Variants in CCKAR observed in about 807,000 individuals in gnomAD.
The protein encoded by CCKAR is cholecystokinin receptor type A.
A neutral mutation model predicts 29.8 loss-of-function variants in CCKAR; 21 were observed. That is an observed-to-expected ratio of 0.70 (90% CI 0.50 to 1.01). The LOEUF (loss-of-function observed/expected upper bound fraction) is 1.01, where lower values mean the gene tolerates loss of function less well. Among genes scored for constraint, CCKAR ranks in the 50% least tolerant of loss-of-function variants. The pLI is 0.00. For missense variants in CCKAR, 570 were observed against 560.6 expected (o/e 1.02, Z -0.17); for synonymous variants, 238 against 221.3 (o/e 1.08, Z -0.67).
At chr4:26,485,433 T>A (rs1167644758) in intron 3 of CCKAR, among the ~76,000 whole-genome samples, 2 of 152,148 alleles carry the variant, frequency 1.3e-5, no homozygotes, top group East Asian at 3.9e-4. Context: ...ATTGATTGAA[T>A]GAATATATGC....
At chr4:26,490,055 C>T in intron 1 of CCKAR, 101 bp downstream of exon 1, 1 of 728,306 alleles carries the variant, frequency 1.4e-6, no homozygotes, top group Non-Finnish European at 2.4e-6. Context: ...CCTTGTCTCA[C>T]AATGACTTGG....
Position 26,489,393 on chromosome 4 carries a change from C to G in CCKAR, c.204G>C (p.Arg68=). The change falls in exon 2 of 5, where the codon CGG becomes CGC. Residue 68 remains arginine, a synonymous_variant. Transcript: ENST00000295589. ...GNTLVITVLI[R]NKRMRTVTNI... is the part of the protein sequence containing the mutation. ...TGGTGACCGTCCGCATCCGCTTGTT[C>G]CGAATCAGCACGGTGATGACCAGCG... The G allele has an allele frequency of 2.5e-6, 4 of 1,614,172 alleles. 1 individual carries two copies. The highest frequency in any genetic ancestry group is 4.5e-5 in the East Asian group (2 of 44,864).
chr4:26,488,654 C>G (rs1281404879), intron 2 of CCKAR, among the ~76,000 whole-genome samples: 2 of 152,222 alleles, frequency 1.3e-5, no homozygotes, highest in Admixed American at 6.5e-5. Flanking sequence ...AGACCTCTCT[C>G]TCTCTCTCTT....
rs16878401 is a variant in CCKAR, at chr4:26,485,684, C to T, written c.579G>A (p.Ala193=). ...TTGGCAGTAGAAAGCGGCACATATTCGCGGTCTGGTTGTTATTTTTGGTAA... is the reference window on the plus strand; with the variant it reads ...TTGGCAGTAGAAAGCGGCACATATTTGCGGTCTGGTTGTTATTTTTGGTAA... ...VPFTKNNNQT[A]NMCRFLLPND... is the part of the protein sequence containing the mutation. The change falls in exon 3 of 5, where the codon GCG becomes GCA. Residue 193 remains alanine (A), a synonymous_variant. Transcript: ENST00000295589. 1,890 of 1,614,108 alleles carry T rather than the reference C, an allele frequency of 1.2e-3. 16 individuals carry two copies. The African/African-American group carries it at 0.022, about 19-fold the overall frequency.
intron 2 of CCKAR, among the ~76,000 whole-genome samples, chr4:26,486,909 A>G (rs1380608500): frequency 6.6e-6 from 1 of 152,204 alleles, no homozygotes; most frequent in African/African-American, 2.4e-5. Flanking sequence ...GCGGCACTCC[A>G]TCTCAAAAAT....
rs104893833 is a variant in CCKAR, at chr4:26,490,207, C to T, written c.61G>A (p.Gly21Arg). ...GSNITPPCEL[G>R]LENETLFCLD... ...CAGAAAAGCGTCTCATTTTCGAGCC[C>T]GAGTTCACAGGGAGGAGTGATGTTG... The change falls in exon 1 of 5, where the codon GGG becomes AGG. Residue 21 changes from glycine to arginine, a missense_variant. By Grantham distance (125) the Gly-to-Arg change is moderately radical (BLOSUM62 -2). Coordinates refer to ENST00000295589, the MANE Select transcript of CCKAR (RefSeq NM_000730.3). 10 of 1,613,586 alleles carry T rather than the reference C, an allele frequency of 6.2e-6. No homozygotes were observed. Among genetic ancestry groups the T allele is most frequent in the African/African-American group, 4.0e-5 (3 of 74,780 alleles).
intron 3 of CCKAR, among the ~76,000 whole-genome samples, chr4:26,484,132 G>C (rs1737400975): frequency 6.6e-6 from 1 of 152,174 alleles, no homozygotes; most frequent in African/African-American, 2.4e-5. Context: ...CCTTCTTTAT[G>C]AGTCTGGCCC....
intron 3 of CCKAR, among the ~76,000 whole-genome samples, chr4:26,484,812 C>T (rs1213365864): frequency 7.1e-6 from 1 of 141,260 alleles, no homozygotes; most frequent in Non-Finnish European, 1.5e-5. Flanking sequence ...GAGGCCAAGG[C>T]GGGAGGATCA....
At chr4:26,484,770 A>G (rs1737414184) in intron 3 of CCKAR, among the ~76,000 whole-genome samples, 1 of 152,038 alleles carries the variant, frequency 6.6e-6, no homozygotes, top group African/African-American at 2.4e-5. Flanking sequence ...TGCCAGCTGC[A>G]GTGGCTCATG....
intron 1 of CCKAR, 127 bp downstream of exon 1, chr4:26,490,029 A>G (rs1182557249): frequency 4.7e-6 from 3 of 641,926 alleles, no homozygotes; most frequent in East Asian, 2.9e-5. Flanking sequence ...ACTTCTGAAC[A>G]TATGACTTTA....
intron 4 of CCKAR, among the ~76,000 whole-genome samples, chr4:26,482,634 A>G (rs1369328077): frequency 6.6e-6 from 1 of 152,210 alleles, no homozygotes; most frequent in Non-Finnish European, 1.5e-5. Context: ...GGGAAAAGCT[A>G]TGTCAACAAG....
chr4:26,483,458 A>G (rs1262729317), intron 3 of CCKAR, among the ~76,000 whole-genome samples, 175 bp from the exon 4 acceptor site: 1 of 152,116 alleles, frequency 6.6e-6, no homozygotes, highest in African/African-American at 2.4e-5. Context: ...TAAGTTGTTT[A>G]CTTCTTTTCT....
intron 2 of CCKAR, among the ~76,000 whole-genome samples, chr4:26,488,408 A>G (rs1240422973): frequency 6.6e-6 from 1 of 152,222 alleles, no homozygotes; most frequent in Middle Eastern, 3.2e-3. Context: ...GGAGACAAGG[A>G]AGAATCATTG....
At position 26,490,252 on chromosome 4, in the gene CCKAR, T is replaced by C. The variant is rs753055327; in HGVS notation, c.16A>G (p.Ser6Gly). 6 of 1,611,782 alleles carry C rather than the reference T, an allele frequency of 3.7e-6. No individual in the cohort carries two copies. Among genetic ancestry groups the C allele is most frequent in the African/African-American group, 1.3e-5 (1 of 74,970 alleles). Residue 6 changes from serine to glycine, a missense_variant, in exon 1 of 5, where the codon AGC (serine) becomes GGC (glycine). Ser to Gly is a moderately conservative substitution (Grantham distance 56). Coordinates refer to ENST00000295589, the MANE Select transcript of CCKAR (RefSeq NM_000730.3). ...ATGTTGCTTCCATTCACAAGAAGGC[T>C]GTCAACCACATCCATCCTTGCCTGC... MDVVDSLLVNGSNITP... is the reference protein window; with the variant it reads MDVVDGLLVNGSNITP...
intron 2 of CCKAR, among the ~76,000 whole-genome samples, chr4:26,486,853 G>A (rs1056709883): frequency 1.3e-5 from 2 of 152,186 alleles, no homozygotes; most frequent in Admixed American, 1.3e-4. Context: ...GGCCAAGGTT[G>A]TAGTGAGCCA....
Position 26,489,478 on chromosome 4 carries a change from T to C in CCKAR, c.119A>G (p.Gln40Arg). 1 of 1,613,682 alleles carries C rather than the reference T, an allele frequency of 6.2e-7. No individual in the cohort carries two copies. The highest frequency in any genetic ancestry group is 8.5e-7 in the Non-Finnish European group (1 of 1,179,672). The change falls in exon 2 of 5, where the codon CAG becomes CGG. Residue 40 changes from glutamine to arginine, a missense_variant. Physicochemically the swap from Gln to Arg is conservative, Grantham distance 43 (BLOSUM62 1). Coordinates refer to ENST00000295589, the MANE Select transcript of CCKAR (RefSeq NM_000730.3). Reference sequence around the variant, plus strand: ...GTACAAGAGAATCTGCACCGCTGGCTGCCACTCTGCAGAGAGAAACAGGAG... The same window carrying C: ...GTACAAGAGAATCTGCACCGCTGGCCGCCACTCTGCAGAGAGAAACAGGAG... ...LDQPRPSKEW[Q>R]PAVQILLYSL...
chr4:26,481,851 CAGG>C lies in CCKAR; in HGVS notation c.1071_1073del (p.Leu358del), dbSNP rs1560367693. 1 of 1,613,902 alleles carries C rather than the reference CAGG, an allele frequency of 6.2e-7. No individual in the cohort carries two copies. Among genetic ancestry groups the C allele is most frequent in the Non-Finnish European group, 8.5e-7 (1 of 1,179,874 alleles). Reference sequence around the variant, plus strand: ...GGTTGACGCAGGAGGAGGTGTAGGACAGGAGGAGGATGAAGGAAATGGGGGTTC... The same window carrying C: ...GGTTGACGCAGGAGGAGGTGTAGGACAGGAGGATGAAGGAAATGGGGGTTC... On this transcript the variant is annotated inframe_deletion, in exon 5 of 5. Transcript: ENST00000295589.
intron 3 of CCKAR, among the ~76,000 whole-genome samples, chr4:26,485,190 G>A (rs1326648242): frequency 8.0e-6 from 1 of 125,110 alleles, no homozygotes; most frequent in African/African-American, 3.5e-5. Flanking sequence ...GCAAAATTCC[G>A]TCTCAAAAAA....
chr4:26,483,227 G>A lies in CCKAR; in HGVS notation c.683C>T (p.Ala228Val). 6.2e-7 allele frequency: 1 copy of A among 1,613,312 alleles called. No individual in the cohort carries two copies. The highest frequency in any genetic ancestry group is 8.5e-7 in the Non-Finnish European group (1 of 1,179,424). ...GAGTTCCAAAGAGATTAATCCATATGCCACCATCATCACAATTCCAGGAAT... is the reference window on the plus strand; with the variant it reads ...GAGTTCCAAAGAGATTAATCCATATACCACCATCATCACAATTCCAGGAAT... ...FLIPGIVMMV[A>V]YGLISLELYQ... The change falls in exon 4 of 5, where the codon GCA becomes GTA. Residue 228 changes from alanine to valine, a missense_variant. Physicochemically the swap from Ala to Val is moderately conservative, Grantham distance 64. Coordinates refer to ENST00000295589, the MANE Select transcript of CCKAR (RefSeq NM_000730.3).
Sources: gnomAD v4.1 joint callset for allele counts (sites outside exome capture counted in the v4.1 genomes callset) on GRCh38, gnomAD v4.1.1 for gene constraint, MANE v1.5 for transcripts, NCBI Gene and HGNC (gene_info 2026-07-23, HGNC 2026-07-21) for gene names.